Variants in FZD1 observed in about 807,000 individuals in gnomAD.
The protein encoded by FZD1 is frizzled-1.
In FZD1, 22 loss-of-function variants were observed where a neutral mutation model predicts 48.0. The observed-to-expected ratio is 0.46, with a 90% CI of 0.33 to 0.65. FZD1 has a LOEUF of 0.65. Among genes scored for constraint, FZD1 ranks in the 30% least tolerant of loss-of-function variants. FZD1 has a pLI of 0.02. For missense variants in FZD1, 843 were observed against 898.1 expected (o/e 0.94, Z 0.78); for synonymous variants, 486 against 409.6 (o/e 1.19, Z -2.25).
At position 91,265,306 on chromosome 7, in the gene FZD1, C is replaced by T; in HGVS notation, c.426C>T (p.Asn142=). Residue 142 remains asparagine, a synonymous_variant, in exon 1 of 1, where the codon AAC becomes AAT. Coordinates refer to ENST00000287934, the MANE Select transcript of FZD1 (RefSeq NM_003505.2). This position sits in a 1 kb window ranked among gnomAD's most constrained non-coding sequence, Gnocchi z 6.9. ...TGCCCAACCTGCTGGGCCACACGAA[C>T]CAGGAGGACGCGGGCCTGGAGGTGC... ...TIMPNLLGHT[N]QEDAGLEVHQ... The T allele has an allele frequency of 1.2e-6, 2 of 1,614,162 alleles. No individual in the cohort carries two copies. The highest frequency in any genetic ancestry group is 1.7e-6 in the Non-Finnish European group (2 of 1,179,992).
Position 91,270,794 on chromosome 7 carries a change from A to G in FZD1, c.*3970A>G, listed in dbSNP as rs1438900585. 2 of 167,046 alleles carry G rather than the reference A, an allele frequency of 1.2e-5. No homozygotes were observed. The highest frequency in any genetic ancestry group is 2.9e-5 in the Non-Finnish European group (2 of 68,114). 10.3% of individuals were successfully genotyped at this position (167,046 alleles called of 1,614,324 possible). A position where few individuals can be genotyped will look rare whatever the true frequency, so the allele number is the denominator to read the frequency against. ...TCTCTGATTCATTTCTTATTATAAT[A>G]GTCTGTGTAACTGGGGCCTGAGAGA... On this transcript the variant is annotated 3_prime_UTR_variant, in exon 1 of 1. Coordinates refer to ENST00000287934, the MANE Select transcript of FZD1 (RefSeq NM_003505.2).
rs1212441651 is a variant in FZD1, at chr7:91,265,365, C to T, written c.485C>T (p.Ser162Phe). The T allele has an allele frequency of 6.2e-7, 1 of 1,614,094 alleles. No individual in the cohort carries two copies. Among genetic ancestry groups the T allele is most frequent in the Non-Finnish European group, 8.5e-7 (1 of 1,179,978 alleles). Residue 162 changes from serine (S) to phenylalanine (F), a missense_variant, in exon 1 of 1, where the codon TCC becomes TTC. Physicochemically the swap from Ser to Phe is radical, Grantham distance 155. Transcript: ENST00000287934. The surrounding 1 kb of genome is among the most constrained non-coding windows in gnomAD (Gnocchi z 6.9). ...TACCCTCTAGTGAAAGTGCAGTGTT[C>T]CGCTGAGCTCAAGTTCTTCCTGTGC... ...QFYPLVKVQCSAELKFFLCSM... is the reference protein window; with the variant it reads ...QFYPLVKVQCFAELKFFLCSM...
Position 91,269,630 on chromosome 7 carries a change from C to A in FZD1, c.*2806C>A, listed in dbSNP as rs544238433. Reference sequence around the variant, plus strand: ...AGTCATTATTCATTTTAAGGAAAATCAAAAAAATTAGATCTTACTAAAAAT... The same window carrying A: ...AGTCATTATTCATTTTAAGGAAAATAAAAAAAATTAGATCTTACTAAAAAT... On this transcript the variant is annotated 3_prime_UTR_variant, in exon 1 of 1. Coordinates refer to ENST00000287934, the MANE Select transcript of FZD1 (RefSeq NM_003505.2). 111 of 166,854 alleles carry A rather than the reference C, an allele frequency of 6.7e-4. No individual in the cohort carries two copies. Among genetic ancestry groups the A allele is most frequent in the African/African-American group, 2.3e-3 (96 of 41,506 alleles). 10.3% of individuals were successfully genotyped at this position (166,854 alleles called of 1,614,324 possible). A position where few individuals can be genotyped will look rare whatever the true frequency, so the allele number is the denominator to read the frequency against.
Position 91,265,041 on chromosome 7 carries a change from A to AGCT in FZD1, c.174_176dup (p.Leu59dup), listed in dbSNP as rs757520423. 18 of 1,400,350 alleles carry AGCT rather than the reference A, an allele frequency of 1.3e-5. No homozygotes were observed. Among genetic ancestry groups the AGCT allele is most frequent in the Non-Finnish European group, 1.6e-5 (17 of 1,077,562 alleles). The allele number at this position is 1,400,350 out of a possible 1,614,324, so 86.7% of individuals were successfully genotyped here. A position where few individuals can be genotyped will look rare whatever the true frequency, so the allele number is the denominator to read the frequency against. On this transcript the variant is annotated inframe_insertion, in exon 1 of 1. Coordinates refer to ENST00000287934, the MANE Select transcript of FZD1 (RefSeq NM_003505.2). This position sits in a 1 kb window ranked among gnomAD's most constrained non-coding sequence, Gnocchi z 6.9. ...GTTGACCCCCGGCGATTGGCGCGCCAGCTGCTGCTGCTGCTTTGGCTGCTG... is the reference window on the plus strand; with the variant it reads ...GTTGACCCCCGGCGATTGGCGCGCCAGCTGCTGCTGCTGCTGCTTTGGCTGCTG...
In FZD1 at chr7:91,265,022, C is replaced by A. The variant is rs554909047; in HGVS notation, c.142C>A (p.Pro48Thr). Reference protein sequence around the residue: ...AGGRRRPPVDPRRLARQLLLL... With the variant: ...AGGRRRPPVDTRRLARQLLLL... ...TGGCCGCCGCCGCCCGCCAGTTGAC[C>A]CCCGGCGATTGGCGCGCCAGCTGCT... Residue 48 changes from proline to threonine, a missense_variant, in exon 1 of 1, where the codon CCC becomes ACC. Physicochemically the swap from Pro to Thr is conservative, Grantham distance 38. Transcript: ENST00000287934. This position sits in a 1 kb window ranked among gnomAD's most constrained non-coding sequence, Gnocchi z 6.9. 9.9e-6 allele frequency: 14 copies of A among 1,409,338 alleles called. No individual in the cohort carries two copies. The East Asian group carries it at 4.0e-4, about 40-fold the overall frequency. The allele number at this position is 1,409,338 out of a possible 1,614,324, so 87.3% of individuals were successfully genotyped here. A position where few individuals can be genotyped will look rare whatever the true frequency, so the allele number is the denominator to read the frequency against.
At position 91,264,956 on chromosome 7, in the gene FZD1, C is replaced by T; in HGVS notation, c.76C>T (p.Leu26Phe). The T allele has an allele frequency of 7.4e-7, 1 of 1,358,024 alleles. No homozygotes were observed. The highest frequency in any genetic ancestry group is 9.4e-7 in the Non-Finnish European group (1 of 1,058,580). The allele number at this position is 1,358,024 out of a possible 1,614,324, so 84.1% of individuals were successfully genotyped here. Reference protein sequence around the residue: ...GASWELCAGALSARLAEEGSG... With the variant: ...GASWELCAGAFSARLAEEGSG... ...GAGCTGGGAACTTTGTGCCGGGGCG[C>T]TCTCGGCCCGGCTGGCGGAGGAGGG... Residue 26 changes from leucine (L) to phenylalanine (F), a missense_variant, in exon 1 of 1, where the codon CTC (leucine) becomes TTC (phenylalanine). By Grantham distance (22) the Leu-to-Phe change is conservative. This residue lies in a region of FZD1 where 490 missense variants were observed against 466.5 expected (regional missense o/e 1.05). Transcript: ENST00000287934.
chr7:91,268,226 AG>A lies in FZD1; in HGVS notation c.*1408del, dbSNP rs1410186020. 6.0e-6 allele frequency: 1 copy of A among 166,968 alleles called. No homozygotes were observed. Among genetic ancestry groups the A allele is most frequent in the Non-Finnish European group, 1.5e-5 (1 of 68,120 alleles). The allele number at this position is 166,968 out of a possible 1,614,324, so 10.3% of individuals were successfully genotyped here. On this transcript the variant is annotated 3_prime_UTR_variant, in exon 1 of 1. Transcript: ENST00000287934. ...GATTATTATTCAGCAGCACATTCTG[AG>A]GGGGGAACAATTCACACCACCAATA... is the stretch of plus-strand genomic sequence containing the variant.
At position 91,264,637 on chromosome 7, in the gene FZD1, G is replaced by C. The variant is rs1563007260; in HGVS notation, c.-244G>C. The C allele has an allele frequency of 2.6e-6, 1 of 385,492 alleles. No individual in the cohort carries two copies. The highest frequency in any genetic ancestry group is 4.6e-6 in the Non-Finnish European group (1 of 218,218). The allele number at this position is 385,492 out of a possible 1,614,324, so 23.9% of individuals were successfully genotyped here. Reference sequence around the variant, plus strand: ...AGCGAGCCGAGGGCCAGGAAGGCGGGACACGACCCCGGCGCGCCCTAGCCA... The same window carrying C: ...AGCGAGCCGAGGGCCAGGAAGGCGGCACACGACCCCGGCGCGCCCTAGCCA... On this transcript the variant is annotated 5_prime_UTR_variant, in exon 1 of 1. Transcript: ENST00000287934.
Position 91,265,863 on chromosome 7 carries a change from T to G in FZD1, c.983T>G (p.Val328Gly). The G allele has an allele frequency of 6.2e-7, 1 of 1,614,018 alleles. No individual in the cohort carries two copies. Among genetic ancestry groups the G allele is most frequent in the Non-Finnish European group, 8.5e-7 (1 of 1,179,862 alleles). ...CGCACCTGGATTGGCATTTGGTCAG[T>G]GCTGTGCTGCGCCTCCACGCTCTTC... Reference protein sequence around the residue: ...FSRTWIGIWSVLCCASTLFTV... With the variant: ...FSRTWIGIWSGLCCASTLFTV... Residue 328 changes from valine to glycine, a missense_variant, in exon 1 of 1, where the codon GTG (valine) becomes GGG (glycine). By Grantham distance (109) the Val-to-Gly change is moderately radical. Coordinates refer to ENST00000287934, the MANE Select transcript of FZD1 (RefSeq NM_003505.2). This position sits in a 1 kb window ranked among gnomAD's most constrained non-coding sequence, Gnocchi z 6.9.
At position 91,266,895 on chromosome 7, in the gene FZD1, T is replaced by A; in HGVS notation, c.*71T>A. On this transcript the variant is annotated 3_prime_UTR_variant, in exon 1 of 1. Coordinates refer to ENST00000287934, the MANE Select transcript of FZD1 (RefSeq NM_003505.2). The surrounding 1 kb of genome is among the most constrained non-coding windows in gnomAD (Gnocchi z 6.8). ...ATCCCCCAAAGCCAGCGCCGTGGAGTTCGTGCCAATCCTGACATCTCGAGG... is the reference window on the plus strand; with the variant it reads ...ATCCCCCAAAGCCAGCGCCGTGGAGATCGTGCCAATCCTGACATCTCGAGG... 1 of 998,746 alleles carries A rather than the reference T, an allele frequency of 1.0e-6. No individual in the cohort carries two copies. The highest frequency in any genetic ancestry group is 1.6e-5 in the South Asian group (1 of 64,056). 61.9% of individuals were successfully genotyped at this position (998,746 alleles called of 1,614,324 possible). A position where few individuals can be genotyped will look rare whatever the true frequency, so the allele number is the denominator to read the frequency against.
Position 91,266,406 on chromosome 7 carries a change from G to A in FZD1, c.1526G>A (p.Gly509Asp). The change falls in exon 1 of 1, where the codon GGC becomes GAC. Residue 509 changes from glycine (G) to aspartate (D), a missense_variant. Around this residue, in one of 2 missense-constraint regions of FZD1, gnomAD observed 353 missense variants for 431.6 expected, o/e 0.82. Coordinates refer to ENST00000287934, the MANE Select transcript of FZD1 (RefSeq NM_003505.2). This position sits in a 1 kb window ranked among gnomAD's most constrained non-coding sequence, Gnocchi z 6.8. ...LFIGTSFLLA[G>D]FVSLFRIRTI... ...ATCGGCACGTCCTTTCTGCTGGCCG[G>A]CTTTGTGTCGCTCTTCCGCATCCGC... The A allele has an allele frequency of 2.5e-6, 4 of 1,614,164 alleles. No individual in the cohort carries two copies. The highest frequency in any genetic ancestry group is 3.4e-6 in the Non-Finnish European group (4 of 1,180,040).
Position 91,266,572 on chromosome 7 carries a change from G to A in FZD1, c.1692G>A (p.Gln564=). The A allele has an allele frequency of 6.2e-7, 1 of 1,613,756 alleles. No homozygotes were observed. The highest frequency in any genetic ancestry group is 1.3e-5 in the African/African-American group (1 of 75,060). Residue 564 remains glutamine (Q), a synonymous_variant, in exon 1 of 1, where the codon CAG becomes CAA. Transcript: ENST00000287934. This position sits in a 1 kb window ranked among gnomAD's most constrained non-coding sequence, Gnocchi z 6.8. Reference sequence around the variant, plus strand: ...TCTACGAGCAGGCCTTCCGGGACCAGTGGGAACGCAGCTGGGTGGCCCAGA... The same window carrying A: ...TCTACGAGCAGGCCTTCCGGGACCAATGGGAACGCAGCTGGGTGGCCCAGA... ...CYFYEQAFRD[Q]WERSWVAQSC...
In FZD1 at chr7:91,265,769, G is replaced by A. The variant is rs56170585; in HGVS notation, c.889G>A (p.Gly297Ser). 6.2e-7 allele frequency: 1 copy of A among 1,612,424 alleles called. No homozygotes were observed. Among genetic ancestry groups the A allele is most frequent in the Admixed American group, 1.7e-5 (1 of 59,930 alleles). Residue 297 changes from glycine (G) to serine (S), a missense_variant, in exon 1 of 1, where the codon GGC (glycine) becomes AGC (serine). By Grantham distance (56) the Gly-to-Ser change is moderately conservative. Transcript: ENST00000287934. The surrounding 1 kb of genome is among the most constrained non-coding windows in gnomAD (Gnocchi z 6.9). ...CCACTTCCTGGGGGAGAAGGACTGCGGCGCACCTTGTGAGCCGACCAAGGT... is the reference window on the plus strand; with the variant it reads ...CCACTTCCTGGGGGAGAAGGACTGCAGCGCACCTTGTGAGCCGACCAAGGT... ...NYHFLGEKDC[G>S]APCEPTKVYG...
Position 91,268,437 on chromosome 7 carries a change from T to C in FZD1, c.*1613T>C, listed in dbSNP as rs955472280. On this transcript the variant is annotated 3_prime_UTR_variant, in exon 1 of 1. Coordinates refer to ENST00000287934, the MANE Select transcript of FZD1 (RefSeq NM_003505.2). ...GTCAAATGTAAATCTTTCAAAGCCATTTAAAAATATTCACTTTAGTTCTCT... is the reference window on the plus strand; with the variant it reads ...GTCAAATGTAAATCTTTCAAAGCCACTTAAAAATATTCACTTTAGTTCTCT... 1 of 167,104 alleles carries C rather than the reference T, an allele frequency of 6.0e-6. No individual in the cohort carries two copies. Among genetic ancestry groups the C allele is most frequent in the African/African-American group, 2.4e-5 (1 of 41,472 alleles). The allele number at this position is 167,104 out of a possible 1,614,324, so 10.4% of individuals were successfully genotyped here.
rs1803910971 is a variant in FZD1 at position 91,267,805 on chromosome 7, A to G, written c.*981A>G. 6.0e-6 allele frequency: 1 copy of G among 167,136 alleles called. No homozygotes were observed. The allele number at this position is 167,136 out of a possible 1,614,324, so 10.4% of individuals were successfully genotyped here. On this transcript the variant is annotated 3_prime_UTR_variant, in exon 1 of 1. Coordinates refer to ENST00000287934, the MANE Select transcript of FZD1 (RefSeq NM_003505.2). ...TCTAAAACCTGGTATGGGTTTGGCC[A>G]GCGTCATGGAAAGATGTGGTTACTG...
At position 91,266,888 on chromosome 7, in the gene FZD1, C is replaced by A. The variant is rs1803892921; in HGVS notation, c.*64C>A. 3 of 1,055,386 alleles carry A rather than the reference C, an allele frequency of 2.8e-6. No individual in the cohort carries two copies. In the East Asian group the frequency reaches 7.2e-5, roughly 25 times the overall value. The allele number at this position is 1,055,386 out of a possible 1,614,324, so 65.4% of individuals were successfully genotyped here. Reference sequence around the variant, plus strand: ...CGCAGCGATCCCCCAAAGCCAGCGCCGTGGAGTTCGTGCCAATCCTGACAT... The same window carrying A: ...CGCAGCGATCCCCCAAAGCCAGCGCAGTGGAGTTCGTGCCAATCCTGACAT... On this transcript the variant is annotated 3_prime_UTR_variant, in exon 1 of 1. Coordinates refer to ENST00000287934, the MANE Select transcript of FZD1 (RefSeq NM_003505.2). This position sits in a 1 kb window ranked among gnomAD's most constrained non-coding sequence, Gnocchi z 6.8.
rs1440887280 is a variant in FZD1 at position 91,269,660 on chromosome 7, C to G, written c.*2836C>G. The stretch of plus-strand genomic sequence containing the variant: ...AAATTAGATCTTACTAAAAATGTAG[C>G]ATTTGATTTTAAGTAGCAAGATGCA... On this transcript the variant is annotated 3_prime_UTR_variant, in exon 1 of 1. Transcript: ENST00000287934. 6.0e-6 allele frequency: 1 copy of G among 166,904 alleles called. No individual in the cohort carries two copies. Among genetic ancestry groups the G allele is most frequent in the Non-Finnish European group, 1.5e-5 (1 of 68,070 alleles). 10.3% of individuals were successfully genotyped at this position (166,904 alleles called of 1,614,324 possible). A position where few individuals can be genotyped will look rare whatever the true frequency, so the allele number is the denominator to read the frequency against.
chr7:91,270,963 A>G lies in FZD1; in HGVS notation c.*4139A>G, dbSNP rs1462503845. On this transcript the variant is annotated 3_prime_UTR_variant, in exon 1 of 1. Transcript: ENST00000287934. ...CATAAGACATGGAATATATATAAGA[A>G]TTATCTAGTTACATGACTAAAAAGG... The G allele has an allele frequency of 6.0e-6, 1 of 167,030 alleles. No individual in the cohort carries two copies. The highest frequency in any genetic ancestry group is 1.9e-4 in the East Asian group (1 of 5,208). The allele number at this position is 167,030 out of a possible 1,614,324, so 10.3% of individuals were successfully genotyped here.
Position 91,264,995 on chromosome 7 carries a change from G to A in FZD1, c.115G>A (p.Gly39Ser), listed in dbSNP as rs1461146482. 3 of 1,397,162 alleles carry A rather than the reference G, an allele frequency of 2.1e-6. No homozygotes were observed. The highest frequency in any genetic ancestry group is 3.1e-5 in the East Asian group (1 of 32,478). 86.5% of individuals were successfully genotyped at this position (1,397,162 alleles called of 1,614,324 possible). A position where few individuals can be genotyped will look rare whatever the true frequency, so the allele number is the denominator to read the frequency against. ...GGCGGAGGAGGGCAGCGGGGACGCCGGTGGCCGCCGCCGCCCGCCAGTTGA... is the reference window on the plus strand; with the variant it reads ...GGCGGAGGAGGGCAGCGGGGACGCCAGTGGCCGCCGCCGCCCGCCAGTTGA... The part of the protein sequence containing the change: ...RLAEEGSGDA[G>S]GRRRPPVDPR... The change falls in exon 1 of 1, where the codon GGT (glycine) becomes AGT (serine). Residue 39 changes from glycine to serine, a missense_variant. Around this residue, in one of 2 missense-constraint regions of FZD1, gnomAD observed 490 missense variants for 466.5 expected, o/e 1.05. Coordinates refer to ENST00000287934, the MANE Select transcript of FZD1 (RefSeq NM_003505.2).
Sources: gnomAD v4.1 joint callset for allele counts on GRCh38, gnomAD v4.1.1 for gene constraint, gnomAD v4.1.1 regional missense constraint, Gnocchi (gnomAD v3.1) non-coding constraint, MANE v1.5 for transcripts, NCBI Gene and HGNC (gene_info 2026-07-23, HGNC 2026-07-21) for gene names.